The following TRMT11 variants were observed in gnomAD, a reference collection of about 807,000 sequenced individuals.
The protein encoded by TRMT11 is tRNA methyltransferase 11, also known as tRNA (guanine(10)-N(2))-methyltransferase TRMT11.
Under a neutral mutation model 62.8 loss-of-function variants are expected in TRMT11, and 53 were observed. That is an observed-to-expected ratio of 0.84 (90% CI 0.68 to 1.06). The LOEUF (loss-of-function observed/expected upper bound fraction) is 1.06, where lower values mean the gene tolerates loss of function less well. Among genes scored for constraint, TRMT11 ranks in the 50% least tolerant of loss-of-function variants. The pLI is 0.00. For synonymous variants in TRMT11, 188 were observed against 190.3 expected, an observed-to-expected ratio of 0.99 and a Z score of 0.10; for missense variants, 556 against 553.4, an observed-to-expected ratio of 1.00 and a Z score of -0.05.
chr6:126,209,860 A>G, the TRMT11 span, among the ~76,000 whole-genome samples: 2 of 152,238 alleles, frequency 1.3e-5, no homozygotes, highest in East Asian at 3.8e-4. Flanking sequence ...CCACTTCTCT[A>G]TATCAATCTC....
At chr6:126,060,055 G>A (rs1321810489) in intron 17 of TRMT11, among the ~76,000 whole-genome samples, 1 of 152,176 alleles carries the variant, frequency 6.6e-6, no homozygotes, top group African/African-American at 2.4e-5. Context: ...GTTGTCACTA[G>A]TCTGCTATGC....
At chr6:126,010,199 A>G (rs1041219415) in intron 8 of TRMT11, among the ~76,000 whole-genome samples, 1 of 151,852 alleles carries the variant, frequency 6.6e-6, no homozygotes. Context: ...CATTCTGTTG[A>G]AAACGCTAAC....
chr6:126,008,800 A>G, intron 8 of TRMT11: 1 of 472,928 alleles, frequency 2.1e-6, no homozygotes, highest in South Asian at 1.8e-5. Context: ...CAAAAGTTAT[A>G]TGCATATTTT....
the TRMT11 span, among the ~76,000 whole-genome samples, chr6:126,225,695 T>A: frequency 2.4e-5 from 2 of 83,428 alleles, no homozygotes; most frequent in African/African-American, 6.3e-5. Context: ...ATTTTTTTTT[T>A]TTTTTTTTTT....
chr6:125,999,955 A>G (rs1467666608), intron 7 of TRMT11, among the ~76,000 whole-genome samples: 2 of 152,204 alleles, frequency 1.3e-5, no homozygotes, highest in Non-Finnish European at 2.9e-5. Context: ...GGTGAAAGAA[A>G]GACTTGGATG....
At chr6:126,214,400 T>A in the TRMT11 span, among the ~76,000 whole-genome samples, 40 of 152,084 alleles carry the variant, frequency 2.6e-4, 1 homozygote, top group South Asian at 7.7e-3. Flanking sequence ...TTTATTACAG[T>A]CTCAATCTTG....
chr6:126,238,530 T>A, the TRMT11 span, among the ~76,000 whole-genome samples: 1 of 151,040 alleles, frequency 6.6e-6, no homozygotes, highest in African/African-American at 2.4e-5. Flanking sequence ...TTTGAGTGAG[T>A]TTCTTAATCC....
chr6:126,215,332 C>G, the TRMT11 span, among the ~76,000 whole-genome samples: 3 of 151,836 alleles, frequency 2.0e-5, no homozygotes, highest in Non-Finnish European at 2.9e-5. Context: ...CTCTCTTTAT[C>G]TCTAATAATA....
At chr6:126,232,725 T>G in the TRMT11 span, among the ~76,000 whole-genome samples, 3 of 152,166 alleles carry the variant, frequency 2.0e-5, no homozygotes, top group African/African-American at 7.2e-5. Flanking sequence ...GTGAGATGCT[T>G]TGTGTTAGTG....
At chr6:126,040,463 T>C (rs1361033684), downstream of TRMT11, among the ~76,000 whole-genome samples, 1 of 152,146 alleles carries the variant, frequency 6.6e-6, no homozygotes, top group African/African-American at 2.4e-5. Context: ...CCAAACTATT[T>C]TGGTTTTAGA....
intron 21 of TRMT11, among the ~76,000 whole-genome samples, chr6:126,119,980 G>A (rs1777631675): frequency 6.6e-6 from 1 of 152,010 alleles, no homozygotes; most frequent in South Asian, 2.1e-4. Flanking sequence ...TGCTGTAAAA[G>A]TGACCAAATA....
At chr6:126,026,999 G>A (rs1380732056) in intron 12 of TRMT11, among the ~76,000 whole-genome samples, 2 of 151,194 alleles carry the variant, frequency 1.3e-5, no homozygotes, top group Non-Finnish European at 1.5e-5. Context: ...GTAGAGACGG[G>A]GTTTCACCAT....
chr6:126,114,981 A>G (rs1369111799), intron 19 of TRMT11, among the ~76,000 whole-genome samples: 3 of 151,956 alleles, frequency 2.0e-5, no homozygotes, highest in Non-Finnish European at 4.4e-5. Flanking sequence ...CCCTTGGTTC[A>G]ATTTTAGTTT....
intron 1 of TRMT11, among the ~76,000 whole-genome samples, chr6:126,181,442 A>T (rs1778465871): frequency 6.6e-6 from 1 of 152,112 alleles, no homozygotes; most frequent in Admixed American, 6.6e-5. Context: ...CTTCTGTTTG[A>T]TTTCTTCCAG....
intron 17 of TRMT11, among the ~76,000 whole-genome samples, chr6:126,084,853 C>T (rs1777196873): frequency 6.6e-6 from 1 of 152,086 alleles, no homozygotes; most frequent in South Asian, 2.1e-4. Context: ...ACAAACATTG[C>T]ATGATCTCTA....
chr6:126,020,045 A>G (rs1319462200), intron 11 of TRMT11, among the ~76,000 whole-genome samples: 4 of 152,192 alleles, frequency 2.6e-5, no homozygotes, highest in Non-Finnish European at 5.9e-5. Flanking sequence ...GGGTTTGAGC[A>G]TATGGTTGAG....
chr6:126,256,836 G>A, the TRMT11 span, among the ~76,000 whole-genome samples: 2 of 151,944 alleles, frequency 1.3e-5, no homozygotes, highest in Admixed American at 6.6e-5. Flanking sequence ...TCCTATTGCC[G>A]ATAAAAGGTA....
At chr6:126,208,829 C>G in the TRMT11 span, among the ~76,000 whole-genome samples, 1 of 152,282 alleles carries the variant, frequency 6.6e-6, no homozygotes, top group African/African-American at 2.4e-5. Flanking sequence ...CATTCCAGTC[C>G]TCCGTGGATG....
the TRMT11 span, among the ~76,000 whole-genome samples, chr6:126,253,213 A>G: frequency 6.6e-6 from 1 of 152,116 alleles, no homozygotes; most frequent in Non-Finnish European, 1.5e-5. Context: ...GGGTCTACAC[A>G]GGGTCAGGAT....
Sources: gnomAD v4.1 joint callset for allele counts (sites outside exome capture counted in the v4.1 genomes callset) on GRCh38, gnomAD v4.1.1 for gene constraint, MANE v1.5 for transcripts, NCBI Gene and HGNC (gene_info 2026-07-23, HGNC 2026-07-21) for gene names.